Variants in ZWILCH observed in about 807,000 individuals in gnomAD.
The protein encoded by ZWILCH is zwilch kinetochore protein, also known as protein zwilch homolog.
Under a neutral mutation model 79.9 loss-of-function variants are expected in ZWILCH, and 74 were observed. The ratio of observed to expected loss-of-function variants is 0.93; its 90% confidence interval spans 0.77 to 1.12. ZWILCH has a LOEUF of 1.12. Among genes scored for constraint, ZWILCH ranks in the 50% most tolerant of loss-of-function variants. The pLI, the probability that ZWILCH is intolerant of heterozygous loss-of-function variation, is 0.00. For missense variants in ZWILCH, 694 were observed against 687.5 expected, an observed-to-expected ratio of 1.01 and a Z score of -0.11; for synonymous variants, 241 against 228.2, an observed-to-expected ratio of 1.06 and a Z score of -0.51.
Position 66,536,011 on chromosome 15 carries a change from T to C in ZWILCH, c.1420T>C (p.Leu474=), listed in dbSNP as rs1172930987. The part of the protein sequence containing the change: ...VQKLHHILEI[L]VSCMPFIKSQ... ...AAAACTCCACCATATTCTAGAAATA[T>C]TAGTCAGTTGCATGCCTTTCATTAA... Residue 474 remains leucine, a synonymous_variant, in exon 15 of 19, where the codon TTA becomes CTA. Coordinates refer to ENST00000307897, the MANE Select transcript of ZWILCH (RefSeq NM_017975.5). 1 of 1,613,006 alleles carries C rather than the reference T, an allele frequency of 6.2e-7. No individual in the cohort carries two copies. Among genetic ancestry groups the C allele is most frequent in the East Asian group, 2.2e-5 (1 of 44,798 alleles).
chr15:66,507,354 C>T (rs1367839799), intron 1 of ZWILCH, among the ~76,000 whole-genome samples: 1 of 152,118 alleles, frequency 6.6e-6, no homozygotes, highest in East Asian at 1.9e-4. Flanking sequence ...CTTATCTAGT[C>T]GATCCTCTTA....
Position 66,508,859 on chromosome 15 carries a change from G to C in ZWILCH, c.72G>C (p.Lys24Asn). The change falls in exon 2 of 19, where the codon AAG becomes AAC. Residue 24 changes from lysine (K) to asparagine (N), a missense_variant. By Grantham distance (94) the Lys-to-Asn change is moderately conservative. Coordinates refer to ENST00000307897, the MANE Select transcript of ZWILCH (RefSeq NM_017975.5). ...SRLLQKFNEE[K>N]KGIRKDPFLY... Reference sequence around the variant, plus strand: ...GTTTCAGGAAATTTAATGAAGAAAAGAAAGGAATCCGTAAAGACCCATTTC... The same window carrying C: ...GTTTCAGGAAATTTAATGAAGAAAACAAAGGAATCCGTAAAGACCCATTTC... 6.2e-7 allele frequency: 1 copy of C among 1,614,060 alleles called. No individual in the cohort carries two copies. Among genetic ancestry groups the C allele is most frequent in the Non-Finnish European group, 8.5e-7 (1 of 1,179,990 alleles).
chr15:66,550,051 C>A lies in ZWILCH; in HGVS notation c.*1727C>A, dbSNP rs1443180394. On this transcript the variant is annotated 3_prime_UTR_variant, in exon 19 of 19. Coordinates refer to ENST00000307897, the MANE Select transcript of ZWILCH (RefSeq NM_017975.5). ...AATATACTGACTCACCTGCAGCAAG[C>A]ATCTGATTGTTGATAGAGCAAGTTT... The A allele has an allele frequency of 6.2e-7, 1 of 1,600,768 alleles. No individual in the cohort carries two copies. The highest frequency in any genetic ancestry group is 8.5e-7 in the Non-Finnish European group (1 of 1,174,136).
At chr15:66,510,694 G>C (rs1372876594) in intron 2 of ZWILCH, among the ~76,000 whole-genome samples, 1 of 152,140 alleles carries the variant, frequency 6.6e-6, no homozygotes, top group Non-Finnish European at 1.5e-5. Context: ...CTGAAATTAA[G>C]GTGTCAGCAA....
chr15:66,547,105 G>C (rs1026502618), intron 18 of ZWILCH: 2 of 151,658 alleles, frequency 1.3e-5, no homozygotes, highest in African/African-American at 4.8e-5. Context: ...CCCAACTATA[G>C]GACAAGCCCC....
chr15:66,536,556 C>T (rs150624240), intron 15 of ZWILCH, among the ~76,000 whole-genome samples: 4 of 152,306 alleles, frequency 2.6e-5, no homozygotes, highest in African/African-American at 9.6e-5. Flanking sequence ...CAGACACGGA[C>T]TGCTGGTATC....
intron 4 of ZWILCH, among the ~76,000 whole-genome samples, chr15:66,518,125 T>C (rs1357393058): frequency 6.6e-6 from 1 of 152,080 alleles, no homozygotes; most frequent in Non-Finnish European, 1.5e-5. Context: ...CCTTGCCATA[T>C]TGAAGCTCCC....
chr15:66,527,178 T>C, intron 8 of ZWILCH, 112 bp from the exon 9 acceptor site: 3 of 752,716 alleles, frequency 4.0e-6, no homozygotes. Flanking sequence ...ACCTGGGATG[T>C]GATAAACACT....
intron 12 of ZWILCH, 138 bp from the exon 13 acceptor site, chr15:66,532,109 A>T (rs1403042932): frequency 1.7e-6 from 1 of 593,794 alleles, no homozygotes; most frequent in African/African-American, 2.0e-5. Context: ...GTTTTGTTCA[A>T]ACAATTTATA....
chr15:66,527,511 G>T, intron 9 of ZWILCH, 128 bp downstream of exon 9: 1 of 734,856 alleles, frequency 1.4e-6, no homozygotes, highest in Non-Finnish European at 2.2e-6. Context: ...TGGTCAGAGG[G>T]ACAGCTTTTG....
chr15:66,509,393 A>G (rs1449645914), intron 2 of ZWILCH, among the ~76,000 whole-genome samples: 1 of 151,990 alleles, frequency 6.6e-6, no homozygotes, highest in East Asian at 1.9e-4. Flanking sequence ...CTGTAGTTTT[A>G]CCTTTTCCAG....
At chr15:66,534,507 T>A (rs73474160) in intron 14 of ZWILCH, among the ~76,000 whole-genome samples, 2,267 of 152,272 alleles carry the variant, frequency 0.015, 58 homozygotes, top group African/African-American at 0.053. Context: ...GTGATTTCCT[T>A]ATTGTTCAAA....
intron 16 of ZWILCH, among the ~76,000 whole-genome samples, 159 bp from the exon 17 acceptor site, chr15:66,539,939 G>T (rs1895140654): frequency 6.6e-6 from 1 of 150,888 alleles, no homozygotes; most frequent in African/African-American, 2.4e-5. Context: ...TATTTTTCTT[G>T]CTCTCTTGAC....
At position 66,548,711 on chromosome 15, in the gene ZWILCH, G is replaced by A; in HGVS notation, c.*387G>A. ...CTGTATTGGGAAAACTTAAAAAATA[G>A]CATCCTCAAATTTTCTGATTCTTAT... is the stretch of plus-strand genomic sequence containing the variant. On this transcript the variant is annotated 3_prime_UTR_variant, in exon 19 of 19. Transcript: ENST00000307897. 1 of 495,128 alleles carries A rather than the reference G, an allele frequency of 2.0e-6. No individual in the cohort carries two copies. Among genetic ancestry groups the A allele is most frequent in the East Asian group, 3.0e-5 (1 of 33,090 alleles). The allele number at this position is 495,128 out of a possible 1,614,324, so 30.7% of individuals were successfully genotyped here.
chr15:66,526,104 G>A lies in ZWILCH; in HGVS notation c.820-1186G>A, dbSNP rs184936192. ...TAAAGACCTCCCCCCGGGAGTGGGA[G>A]ATGATAGCATTTCAACTGGGAAATG... On this transcript the variant is annotated intron_variant, in intron 8 of 18. Transcript: ENST00000307897. Among the ~76,000 whole-genome samples, 215 of 152,214 alleles carry A rather than the reference G, an allele frequency of 1.4e-3. 1 individual carries two copies. The highest frequency in any genetic ancestry group is 6.8e-3 in the Middle Eastern group (2 of 294).
rs753956809 is a variant in ZWILCH at position 66,521,202 on chromosome 15, T to G, written c.744T>G (p.Thr248=). Residue 248 remains threonine (T), a synonymous_variant, in exon 7 of 19, where the codon ACT becomes ACG. Coordinates refer to ENST00000307897, the MANE Select transcript of ZWILCH (RefSeq NM_017975.5). Reference sequence around the variant, plus strand: ...TCCCTCCACTCTCTTCAACTGCAACTCTGGTAAGAGTGGGCCCTATTTCCT... The same window carrying G: ...TCCCTCCACTCTCTTCAACTGCAACGCTGGTAAGAGTGGGCCCTATTTCCT... The part of the protein sequence containing the change: ...LQIPPLSSTA[T]LNIKVESGEP... 1.9e-6 allele frequency: 3 copies of G among 1,610,304 alleles called. No homozygotes were observed. Among genetic ancestry groups the G allele is most frequent in the Non-Finnish European group, 2.5e-6 (3 of 1,179,924 alleles).
chr15:66,527,946 G>T lies in ZWILCH; in HGVS notation c.969+34G>T, dbSNP rs374877581. 17 of 1,538,396 alleles carry T rather than the reference G, an allele frequency of 1.1e-5. No homozygotes were observed. In the East Asian group the frequency reaches 4.1e-4, roughly 37 times the overall value. ...TTATTATCAGTTAGAAATATACACA[G>T]AAATAGCTTTTAAAATTCGGTTATG... On this transcript the variant is annotated intron_variant, in intron 10 of 18. Coordinates refer to ENST00000307897, the MANE Select transcript of ZWILCH (RefSeq NM_017975.5).
chr15:66,526,714 G>A lies in ZWILCH; in HGVS notation c.820-576G>A, dbSNP rs186242797. 6.1e-3 allele frequency among the ~76,000 whole-genome samples: 934 copies of A among 152,050 alleles called. 6 individuals carry two copies. The highest frequency in any genetic ancestry group is 0.01 in the Non-Finnish European group (702 of 67,958). Reference sequence around the variant, plus strand: ...CCTGACCTCATGATCCACCCATCTCGGCCTCCCAAAGTGCTGGGATTACAG... The same window carrying A: ...CCTGACCTCATGATCCACCCATCTCAGCCTCCCAAAGTGCTGGGATTACAG... On this transcript the variant is annotated intron_variant, in intron 8 of 18. Coordinates refer to ENST00000307897, the MANE Select transcript of ZWILCH (RefSeq NM_017975.5).
rs755682043 is a variant in ZWILCH at position 66,515,509 on chromosome 15, T to G, written c.202-17T>G. 6.6e-7 allele frequency: 1 copy of G among 1,508,892 alleles called. No individual in the cohort carries two copies. Among genetic ancestry groups the G allele is most frequent in the South Asian group, 1.2e-5 (1 of 86,384 alleles). 93.5% of individuals were successfully genotyped at this position (1,508,892 alleles called of 1,614,324 possible). A position where few individuals can be genotyped will look rare whatever the true frequency, so the allele number is the denominator to read the frequency against. The stretch of plus-strand genomic sequence containing the variant: ...ATGCTCTTTTGTCTGGTTAAATAAT[T>G]AAGAACATTTTTAAAGCCTTTAGAA... On this transcript the variant is annotated splice_polypyrimidine_tract_variant and intron_variant, in intron 3 of 18. Coordinates refer to ENST00000307897, the MANE Select transcript of ZWILCH (RefSeq NM_017975.5).
Sources: gnomAD v4.1 joint callset for allele counts (sites outside exome capture counted in the v4.1 genomes callset) on GRCh38, gnomAD v4.1.1 for gene constraint, MANE v1.5 for transcripts, NCBI Gene and HGNC (gene_info 2026-07-23, HGNC 2026-07-21) for gene names.